The following EYA4 variants were observed in gnomAD, a reference collection of about 807,000 sequenced individuals.
EYA4 encodes EYA transcriptional coactivator and phosphatase 4, also known as protein phosphatase EYA4.
In EYA4, 31 loss-of-function variants were observed where a neutral mutation model predicts 87.9. That is an observed-to-expected ratio of 0.35 (90% CI 0.27 to 0.48). The LOEUF (loss-of-function observed/expected upper bound fraction) is 0.48, where lower values mean the gene tolerates loss of function less well. Among genes scored for constraint, EYA4 ranks in the 20% least tolerant of loss-of-function variants. The pLI, the probability that EYA4 is intolerant of heterozygous loss-of-function variation, is 0.99. For missense variants in EYA4, 678 were observed against 761.4 expected (o/e 0.89, Z 1.29); for synonymous variants, 263 against 270.6 (o/e 0.97, Z 0.28).
At chr6:133,370,391 T>G (rs1785174585) in intron 2 of EYA4, among the ~76,000 whole-genome samples, 1 of 152,216 alleles carries the variant, frequency 6.6e-6, no homozygotes, top group Non-Finnish European at 1.5e-5. Context: ...AATATTTTTC[T>G]TGTTAAAATA....
At chr6:133,245,739 T>C (rs1582728646) in intron 1 of EYA4, among the ~76,000 whole-genome samples, 1 of 152,316 alleles carries the variant, frequency 6.6e-6, no homozygotes, top group Admixed American at 6.5e-5. Flanking sequence ...GAGCCAAACT[T>C]GGCGTCATTT....
rs531894859 is a variant in EYA4, at chr6:133,459,112, A to C, written c.371-2002A>C. The stretch of plus-strand genomic sequence containing the variant: ...TCCAATTTTGTTGTTCTTTTCAGTT[A>C]TCTGCAAATTTCTGAATTAGAACAA... On this transcript the variant is annotated intron_variant, in intron 6 of 19. Coordinates refer to ENST00000355286, the MANE Select transcript of EYA4 (RefSeq NM_004100.5). Among the ~76,000 whole-genome samples the C allele has an allele frequency of 4.6e-5, 7 of 152,242 alleles. No individual in the cohort carries two copies. The South Asian group carries it at 1.4e-3, about 32-fold the overall frequency.
In EYA4 at chr6:133,257,452, A is replaced by G. The variant is rs564403965; in HGVS notation, c.-66+15703A>G. Among the ~76,000 whole-genome samples the G allele has an allele frequency of 2.0e-5, 3 of 152,328 alleles. No individual in the cohort carries two copies. In the South Asian group the frequency reaches 6.2e-4, roughly 32 times the overall value. ...TTATTACTTAGCAAATGAAATGGAG[A>G]GGTAATAAATATGACTGATATTTAT... On this transcript the variant is annotated intron_variant, in intron 1 of 19. Transcript: ENST00000355286.
intron 2 of EYA4, among the ~76,000 whole-genome samples, chr6:133,341,134 C>T (rs1466822749): frequency 6.6e-6 from 1 of 152,136 alleles, no homozygotes; most frequent in East Asian, 1.9e-4. Flanking sequence ...AGAAGATCTT[C>T]CAACCATCCA....
intron 3 of EYA4, among the ~76,000 whole-genome samples, chr6:133,437,892 G>A (rs1791854784): frequency 6.6e-6 from 1 of 152,136 alleles, no homozygotes; most frequent in African/African-American, 2.4e-5. Flanking sequence ...GGGATTATGA[G>A]GATTACAGGG....
At chr6:133,490,452 C>T (rs1797053799) in intron 13 of EYA4, among the ~76,000 whole-genome samples, 1 of 150,230 alleles carries the variant, frequency 6.7e-6, no homozygotes, top group Non-Finnish European at 1.5e-5. Flanking sequence ...TACACTTCAC[C>T]TATAAAGGCA....
At chr6:133,275,936 T>C (rs989093646) in intron 2 of EYA4, among the ~76,000 whole-genome samples, 2 of 152,192 alleles carry the variant, frequency 1.3e-5, no homozygotes, top group Admixed American at 1.3e-4. Context: ...TCCTCTAGAA[T>C]TGTGTGACTT....
chr6:133,316,037 G>A (rs762668333), intron 2 of EYA4, among the ~76,000 whole-genome samples: 7 of 152,100 alleles, frequency 4.6e-5, no homozygotes, highest in African/African-American at 1.7e-4. Flanking sequence ...AGGGCATCCC[G>A]CAGACCCTGG....
intron 13 of EYA4, among the ~76,000 whole-genome samples, chr6:133,493,773 G>T (rs942272515): frequency 6.6e-6 from 1 of 152,066 alleles, no homozygotes; most frequent in Non-Finnish European, 1.5e-5. Context: ...ATAAAAACCG[G>T]TCAAGAAATT....
At chr6:133,319,803 A>G (rs1369314315) in intron 2 of EYA4, among the ~76,000 whole-genome samples, 1 of 151,372 alleles carries the variant, frequency 6.6e-6, no homozygotes, top group African/African-American at 2.4e-5. Context: ...TGCAGCCTCA[A>G]TTTCCCAGCT....
intron 1 of EYA4, among the ~76,000 whole-genome samples, chr6:133,242,016 C>T (rs1043982362): frequency 6.6e-6 from 1 of 152,224 alleles, no homozygotes; most frequent in African/African-American, 2.4e-5. Context: ...CCAAGGGTCC[C>T]TTCCGAGCCT....
At chr6:133,391,730 C>A (rs1787313811) in intron 3 of EYA4, among the ~76,000 whole-genome samples, 1 of 152,032 alleles carries the variant, frequency 6.6e-6, no homozygotes, top group Non-Finnish European at 1.5e-5. Context: ...CAGGAGCCAC[C>A]TCTGGGAGCC....
intron 1 of EYA4, among the ~76,000 whole-genome samples, chr6:133,258,811 A>G (rs1775560034): frequency 1.3e-5 from 2 of 152,086 alleles, no homozygotes; most frequent in African/African-American, 4.8e-5. Flanking sequence ...GTACCAGGCA[A>G]ACCACATCTT....
At chr6:133,265,203 A>G (rs1218188768) in intron 1 of EYA4, among the ~76,000 whole-genome samples, 1 of 152,092 alleles carries the variant, frequency 6.6e-6, no homozygotes, top group East Asian at 1.9e-4. Flanking sequence ...AATGGTCTAT[A>G]TATTGAAAAC....
At chr6:133,405,511 A>G (rs1788627329) in intron 3 of EYA4, among the ~76,000 whole-genome samples, 3 of 152,212 alleles carry the variant, frequency 2.0e-5, no homozygotes, top group Admixed American at 2.0e-4. Context: ...CATTCTCGGT[A>G]TTCTATATTC....
intron 2 of EYA4, among the ~76,000 whole-genome samples, chr6:133,299,947 C>A (rs112528799): frequency 0.091 from 12,677 of 139,388 alleles, 733 homozygotes; most frequent in South Asian, 0.13. Context: ...ATCTATCTAT[C>A]TATCTATCTA....
chr6:133,343,142 G>A (rs541551009), intron 2 of EYA4, among the ~76,000 whole-genome samples: 114 of 152,242 alleles, frequency 7.5e-4, no homozygotes, highest in Non-Finnish European at 1.4e-3. Flanking sequence ...GGGAAATGGA[G>A]GGGTGGGTTT....
chr6:133,277,033 A>G (rs1380585585), intron 2 of EYA4, among the ~76,000 whole-genome samples: 1 of 152,186 alleles, frequency 6.6e-6, no homozygotes, highest in Non-Finnish European at 1.5e-5. Flanking sequence ...TTGAAAAATG[A>G]TAGCATTTAT....
At chr6:133,323,687 A>AG (rs1450499258) in intron 2 of EYA4, among the ~76,000 whole-genome samples, 1 of 152,176 alleles carries the variant, frequency 6.6e-6, no homozygotes, top group Non-Finnish European at 1.5e-5. Context: ...TGAGAGAATG[A>AG]GAGAAGGAAT....
Sources: gnomAD v4.1 joint callset for allele counts (sites outside exome capture counted in the v4.1 genomes callset) on GRCh38, gnomAD v4.1.1 for gene constraint, MANE v1.5 for transcripts, NCBI Gene and HGNC (gene_info 2026-07-23, HGNC 2026-07-21) for gene names.